AKAP7: variants seen among roughly 807,000 people sequenced by gnomAD.
AKAP7 encodes A kinase (PRKA) anchor protein 7.
Under a neutral mutation model 39.5 loss-of-function variants are expected in AKAP7, and 39 were observed. The ratio of observed to expected loss-of-function variants is 0.99; its 90% CI spans 0.76 to 1.29. The LOEUF (loss-of-function observed/expected upper bound fraction) is 1.29. Among genes scored for constraint, AKAP7 ranks in the 50% most tolerant of loss-of-function variants. AKAP7 has a pLI of 0.00. For synonymous variants in AKAP7, 140 were observed against 139.1 expected (o/e 1.01, Z -0.05); for missense variants, 414 against 407.7 (o/e 1.02, Z -0.13).
At chr6:131,165,253 A>G (rs556592558) in intron 4 of AKAP7, 36 bp downstream of exon 4, 46 of 1,522,610 alleles carry the variant, frequency 3.0e-5, no homozygotes, top group Admixed American at 3.8e-5. Context: ...TAATTTTCCA[A>G]ATTATTACTT....
chr6:131,162,990 C>A (rs947250281), intron 3 of AKAP7, among the ~76,000 whole-genome samples: 1 of 145,330 alleles, frequency 6.9e-6, no homozygotes, highest in African/African-American at 2.5e-5. Flanking sequence ...CACACATACA[C>A]GCTCTTTCGC....
intron 5 of AKAP7, among the ~76,000 whole-genome samples, chr6:131,197,754 T>C (rs3850238): frequency 0.48 from 73,322 of 151,954 alleles, 18,027 homozygotes; most frequent in East Asian, 0.68. Flanking sequence ...TCTCTACTTG[T>C]TGGGGTGATC....
chr6:131,178,042 G>A (rs75032471), intron 5 of AKAP7, among the ~76,000 whole-genome samples: 2 of 152,284 alleles, frequency 1.3e-5, no homozygotes, highest in African/African-American at 2.4e-5. Context: ...GGTGGTTCAT[G>A]TTACCTGGTT....
intron 7 of AKAP7, among the ~76,000 whole-genome samples, chr6:131,239,351 C>T (rs1326939218): frequency 6.6e-6 from 1 of 152,146 alleles, no homozygotes; most frequent in African/African-American, 2.4e-5. Context: ...TTTTTTCCTT[C>T]ATTTCAACTT....
chr6:131,268,523 T>A (rs1365297888), intron 7 of AKAP7, among the ~76,000 whole-genome samples: 1 of 152,228 alleles, frequency 6.6e-6, no homozygotes, highest in African/African-American at 2.4e-5. Flanking sequence ...CATGGGAATT[T>A]TCTCAGCCTG....
At chr6:131,240,856 G>T (rs111335902) in intron 7 of AKAP7, among the ~76,000 whole-genome samples, 3 of 152,152 alleles carry the variant, frequency 2.0e-5, no homozygotes, top group African/African-American at 7.2e-5. Flanking sequence ...TGCACTTCCC[G>T]GGTGAGGTGA....
Position 131,207,491 on chromosome 6 carries a change from A to ATTTTTTTTTTTTTTT in AKAP7, c.702+7930_702+7944dup, listed in dbSNP as rs531582478. On this transcript the variant is annotated intron_variant, in intron 6 of 7. Transcript: ENST00000431975. The stretch of plus-strand genomic sequence containing the variant: ...TGCACACCATGCCTGGCTAATTAAA[A>ATTTTTTTTTTTTTTT]TTTTTTTTTTTTTTTTTTTTTTTTT... Among the ~76,000 whole-genome samples the ATTTTTTTTTTTTTTT allele has an allele frequency of 2.1e-3, 164 of 78,784 alleles. 14 individuals are homozygous for ATTTTTTTTTTTTTTT. Among genetic ancestry groups the ATTTTTTTTTTTTTTT allele is most frequent in the East Asian group, 0.012 (40 of 3,258 alleles). The allele number at this position is 78,784 out of a possible 152,430, so 51.7% of individuals were successfully genotyped here.
intron 6 of AKAP7, among the ~76,000 whole-genome samples, chr6:131,213,561 A>G (rs1468578653): frequency 6.6e-6 from 1 of 152,178 alleles, no homozygotes; most frequent in Non-Finnish European, 1.5e-5. Context: ...TCGAGTGACC[A>G]CAAGACTGTT....
intron 7 of AKAP7, among the ~76,000 whole-genome samples, chr6:131,249,774 G>A (rs990023195): frequency 1.3e-5 from 2 of 152,076 alleles, no homozygotes; most frequent in African/African-American, 4.8e-5. Context: ...CTAATCTTTT[G>A]TCTTTTTGTC....
At chr6:131,152,742 G>A (rs1444702549) in intron 2 of AKAP7, among the ~76,000 whole-genome samples, 2 of 149,944 alleles carry the variant, frequency 1.3e-5, no homozygotes, top group African/African-American at 2.5e-5. Context: ...CATGAGAATC[G>A]CTTGAACCTG....
In AKAP7 at chr6:131,281,881, T is replaced by C; in HGVS notation, c.*155T>C. The C allele has an allele frequency of 7.9e-7, 1 of 1,273,372 alleles. No homozygotes were observed. The highest frequency in any genetic ancestry group is 3.1e-5 in the East Asian group (1 of 32,222). 78.9% of individuals were successfully genotyped at this position (1,273,372 alleles called of 1,614,324 possible). ...CTTTTCATGATCGATGTGTTCGCAT[T>C]GCTGAAACACAACAGAAGAAAAATG... On this transcript the variant is annotated 3_prime_UTR_variant, in exon 8 of 8. Coordinates refer to ENST00000431975, the MANE Select transcript of AKAP7 (RefSeq NM_016377.4). The surrounding 1 kb of genome is among the most constrained non-coding windows in gnomAD (Gnocchi z 4.0).
intron 7 of AKAP7, among the ~76,000 whole-genome samples, chr6:131,265,856 G>C (rs1431629023): frequency 6.6e-6 from 1 of 152,200 alleles, no homozygotes; most frequent in South Asian, 2.1e-4. Flanking sequence ...ACTTCAATGT[G>C]TGGGGGGAAA....
intron 3 of AKAP7, among the ~76,000 whole-genome samples, chr6:131,161,814 G>T (rs142307383): frequency 9.3e-4 from 142 of 152,168 alleles, no homozygotes; most frequent in African/African-American, 3.3e-3. Flanking sequence ...TACCTGTGGG[G>T]ATTAGAAGAG....
intron 7 of AKAP7, among the ~76,000 whole-genome samples, chr6:131,230,352 G>A (rs1293205755): frequency 1.3e-5 from 2 of 152,138 alleles, no homozygotes; most frequent in Non-Finnish European, 2.9e-5. Flanking sequence ...GATTACTAAT[G>A]TGGAGCATTT....
At chr6:131,223,378 T>A (rs1248505898) in intron 7 of AKAP7, among the ~76,000 whole-genome samples, 3 of 152,192 alleles carry the variant, frequency 2.0e-5, no homozygotes, top group Non-Finnish European at 4.4e-5. Flanking sequence ...TTTAAAAATG[T>A]TCAAGAGACA....
rs768050000 is a variant in AKAP7, at chr6:131,282,371, ATGT to A, written c.*647_*649del. The A allele has an allele frequency of 7.7e-6, 11 of 1,428,060 alleles. No individual in the cohort carries two copies. Among genetic ancestry groups the A allele is most frequent in the Middle Eastern group, 3.8e-4 (2 of 5,244 alleles). 88.5% of individuals were successfully genotyped at this position (1,428,060 alleles called of 1,614,324 possible). A position where few individuals can be genotyped will look rare whatever the true frequency, so the allele number is the denominator to read the frequency against. ...AAGTCAGTATGCCATATTTAATGAAATGTTATTATATAATTTTTTTTTCTTAGG... is the reference window on the plus strand; with the variant it reads ...AAGTCAGTATGCCATATTTAATGAAATATTATATAATTTTTTTTTCTTAGG... On this transcript the variant is annotated 3_prime_UTR_variant, in exon 8 of 8. Transcript: ENST00000431975.
intron 7 of AKAP7, among the ~76,000 whole-genome samples, chr6:131,256,191 G>T (rs1015436922): frequency 6.6e-6 from 1 of 152,184 alleles, no homozygotes; most frequent in African/African-American, 2.4e-5. Context: ...TACATTTTGC[G>T]TAAGATTTCT....
intron 7 of AKAP7, among the ~76,000 whole-genome samples, chr6:131,245,769 T>G (rs2128315962): frequency 6.6e-6 from 1 of 152,304 alleles, no homozygotes; most frequent in African/African-American, 2.4e-5. Context: ...GTTAAAGGTA[T>G]GTCTCGTCTC....
At chr6:131,200,379 C>A (rs929337758) in intron 6 of AKAP7, among the ~76,000 whole-genome samples, 4 of 152,198 alleles carry the variant, frequency 2.6e-5, no homozygotes, top group Non-Finnish European at 4.4e-5. Context: ...CTCTCATATA[C>A]CAGAGTTTTG....
Sources: allele counts gnomAD v4.1 joint callset (sites outside exome capture counted in the v4.1 genomes callset), GRCh38; gene constraint gnomAD v4.1.1; non-coding constraint Gnocchi (gnomAD v3.1); transcripts MANE v1.5; gene names NCBI Gene and HGNC (gene_info 2026-07-23, HGNC 2026-07-21).